The following C1orf105 variants were observed in gnomAD, a reference collection of about 807,000 sequenced individuals.
C1orf105 encodes the protein uncharacterized protein C1orf105.
In C1orf105, 17 loss-of-function variants were observed where a neutral mutation model predicts 20.8. The observed-to-expected ratio is 0.82, with a 90% confidence interval of 0.56 to 1.23. C1orf105 has a LOEUF of 1.23. C1orf105 is among the 50% of genes most tolerant of loss of function. The probability of loss-of-function intolerance (pLI) is 0.00; values close to 1 mark genes in which losing one functional copy is unlikely to be tolerated. For missense variants in C1orf105, 219 were observed against 213.5 expected (o/e 1.03, Z -0.16); for synonymous variants, 72 against 72.1 (o/e 1.00, Z 0.01).
chr1:172,430,364 C>T, intron 1 of C1orf105: 2 of 688,840 alleles, frequency 2.9e-6, no homozygotes, highest in Non-Finnish European at 5.3e-6. Context: ...CTGATGGCAG[C>T]AGTTAAGGGC....
At chr1:172,436,979 A>G (rs1573843832) in intron 1 of C1orf105, among the ~76,000 whole-genome samples, 1 of 152,398 alleles carries the variant, frequency 6.6e-6, no homozygotes, top group Middle Eastern at 3.4e-3. Flanking sequence ...CAACAGACAC[A>G]TGAAAAAATG....
At chr1:172,434,948 A>G (rs1231684792) in intron 1 of C1orf105, among the ~76,000 whole-genome samples, 1 of 152,232 alleles carries the variant, frequency 6.6e-6, no homozygotes, top group Admixed American at 6.5e-5. Context: ...ACAAACTACC[A>G]TCAGAGAATA....
At chr1:172,441,827 GAC>G (rs772876387) in intron 1 of C1orf105, 1 of 1,613,532 alleles carries the variant, frequency 6.2e-7, no homozygotes, top group East Asian at 2.2e-5. Flanking sequence ...AGGTAGAATG[GAC>G]ACAGACATGA....
At chr1:172,463,842 G>T (rs891964160) in intron 5 of C1orf105, among the ~76,000 whole-genome samples, 4 of 152,172 alleles carry the variant, frequency 2.6e-5, no homozygotes, top group Admixed American at 6.5e-5. Flanking sequence ...TCAACCAGAC[G>T]TATCATGAGA....
intron 2 of C1orf105, among the ~76,000 whole-genome samples, chr1:172,446,847 C>T (rs1339752486): frequency 6.6e-6 from 1 of 152,154 alleles, no homozygotes. Flanking sequence ...AGTTTTTCCT[C>T]CAGCCAGCCA....
Position 172,462,163 on chromosome 1 carries a change from G to C in C1orf105, c.274-15G>C. The C allele has an allele frequency of 6.3e-7, 1 of 1,594,902 alleles. No homozygotes were observed. Among genetic ancestry groups the C allele is most frequent in the Non-Finnish European group, 8.6e-7 (1 of 1,166,704 alleles). ...CAGTTACAGGCAACGTTCTAAATGA[G>C]ACTTTCTTCTTGAGGTACAACCAAG... On this transcript the variant is annotated splice_polypyrimidine_tract_variant and intron_variant, in intron 4 of 6. Transcript: ENST00000367727.
At chr1:172,437,221 C>A (rs1233688662) in intron 1 of C1orf105, among the ~76,000 whole-genome samples, 1 of 152,146 alleles carries the variant, frequency 6.6e-6, no homozygotes, top group African/African-American at 2.4e-5. Context: ...TTGACCCAGC[C>A]ATCCCATTAC....
At chr1:172,430,656 G>A (rs1052936082) in intron 1 of C1orf105, among the ~76,000 whole-genome samples, 4 of 151,956 alleles carry the variant, frequency 2.6e-5, no homozygotes, top group Non-Finnish European at 4.4e-5. Flanking sequence ...GCCCAGGCTC[G>A]TCTCAAACTC....
In C1orf105 at chr1:172,432,510, T is replaced by G. The variant is rs141292117; in HGVS notation, c.21+11604T>G. On this transcript the variant is annotated intron_variant, in intron 1 of 6. Transcript: ENST00000367727. ...GACCTCCAGCAAACTCCAACAGACC[T>G]GCAGCTGAGGGACCCGACTGTTAGA... is the stretch of plus-strand genomic sequence containing the variant. Among the ~76,000 whole-genome samples, 997 of 152,308 alleles carry G rather than the reference T, an allele frequency of 6.5e-3. 2 individuals carry two copies. Among genetic ancestry groups the G allele is most frequent in the Middle Eastern group, 0.014 (4 of 294 alleles).
intron 2 of C1orf105, among the ~76,000 whole-genome samples, chr1:172,446,160 C>G (rs976521055): frequency 6.6e-6 from 1 of 152,148 alleles, no homozygotes; most frequent in Non-Finnish European, 1.5e-5. Flanking sequence ...CTTTCAAGTG[C>G]TCGTTATTCA....
chr1:172,436,254 T>C (rs547234330), intron 1 of C1orf105, among the ~76,000 whole-genome samples: 54 of 152,264 alleles, frequency 3.5e-4, no homozygotes, highest in African/African-American at 1.2e-3. Flanking sequence ...AAAGTTCATA[T>C]GGAACCAAAA....
chr1:172,457,454 G>A (rs1649366491), intron 4 of C1orf105, among the ~76,000 whole-genome samples: 1 of 152,182 alleles, frequency 6.6e-6, no homozygotes, highest in Non-Finnish European at 1.5e-5. Flanking sequence ...AAAGAGAGTG[G>A]CACTTTTGTG....
intron 3 of C1orf105, chr1:172,451,089 C>T (rs893661088): frequency 3.3e-5 from 5 of 152,454 alleles, no homozygotes; most frequent in Admixed American, 1.3e-4. Flanking sequence ...AGGTGACTGA[C>T]TCAGTGATCC....
intron 5 of C1orf105, 74 bp downstream of exon 5, chr1:172,462,319 A>C (rs1649759010): frequency 9.0e-7 from 1 of 1,112,444 alleles, no homozygotes; most frequent in African/African-American, 1.6e-5. Context: ...TGGATTGAGA[A>C]GCCTAGTAAG....
intron 1 of C1orf105, among the ~76,000 whole-genome samples, chr1:172,425,806 G>A (rs1299121057): frequency 6.6e-6 from 1 of 152,150 alleles, no homozygotes. Flanking sequence ...TGCTCATGAG[G>A]ATGTGAAAAG....
chr1:172,425,713 G>T (rs1324500365), intron 1 of C1orf105, among the ~76,000 whole-genome samples: 1 of 152,152 alleles, frequency 6.6e-6, no homozygotes. Context: ...GAGGAGGTTT[G>T]TGATATTATC....
At chr1:172,441,413 CTCTG>C (rs1490791338) in intron 1 of C1orf105, 11 of 223,172 alleles carry the variant, frequency 4.9e-5, no homozygotes, top group Non-Finnish European at 7.9e-5. Flanking sequence ...CTTCATGCCC[CTCTG>C]TCTGCCTCCT....
intron 1 of C1orf105, among the ~76,000 whole-genome samples, chr1:172,426,722 A>G (rs1159579142): frequency 6.6e-6 from 1 of 151,868 alleles, no homozygotes; most frequent in Non-Finnish European, 1.5e-5. Context: ...CTATTGTTTT[A>G]ATCTCTTGGA....
In C1orf105 at chr1:172,441,821, A is replaced by G. The variant is rs528611050; in HGVS notation, c.22-3252A>G. 82 of 1,613,712 alleles carry G rather than the reference A, an allele frequency of 5.1e-5. No homozygotes were observed. The highest frequency in any genetic ancestry group is 6.9e-5 in the Non-Finnish European group (81 of 1,179,788). On this transcript the variant is annotated intron_variant, in intron 1 of 6. Coordinates refer to ENST00000367727, the MANE Select transcript of C1orf105 (RefSeq NM_139240.4). ...TTAAAAAGCTGCAAGCGAATGAGGT[A>G]GAATGGACACAGACATGAGATAGAC...
Sources: allele counts gnomAD v4.1 joint callset (sites outside exome capture counted in the v4.1 genomes callset), GRCh38; gene constraint gnomAD v4.1.1; transcripts MANE v1.5; gene names NCBI Gene and HGNC (gene_info 2026-07-23, HGNC 2026-07-21).